Variants in DTNA observed in about 807,000 individuals in gnomAD.
DTNA encodes dystrophin-related protein 3.
Under a neutral mutation model 100.7 loss-of-function variants are expected in DTNA, and 43 were observed. The observed-to-expected ratio is 0.43, with a 90% CI of 0.33 to 0.55. DTNA has a LOEUF of 0.55. DTNA is among the 20% of genes least tolerant of loss of function. DTNA has a pLI of 0.04. For missense variants in DTNA, 798 were observed against 953.9 expected, an observed-to-expected ratio of 0.84 and a Z score of 2.15; for synonymous variants, 349 against 347.9, an observed-to-expected ratio of 1.00 and a Z score of -0.04.
chr18:34,624,406 A>G (rs1179721439), intron 1 of DTNA, among the ~76,000 whole-genome samples: 1 of 152,224 alleles, frequency 6.6e-6, no homozygotes, highest in Non-Finnish European at 1.5e-5. Flanking sequence ...TTTTTGATAT[A>G]GCAACTGCCC....
intron 2 of DTNA, chr18:34,759,949 G>A (rs546406120): frequency 3.3e-5 from 5 of 152,286 alleles, no homozygotes; most frequent in Admixed American, 3.3e-4. Flanking sequence ...CTCCCAAAGT[G>A]CTGGAATTAC....
In DTNA at chr18:34,848,326, A is replaced by G. The variant is rs775341396; in HGVS notation, c.1377A>G (p.Glu459=). 3.1e-6 allele frequency: 5 copies of G among 1,614,064 alleles called. No individual in the cohort carries two copies. In the Admixed American group the frequency reaches 6.7e-5, roughly 22 times the overall value. ...CMLESSNRLD[E]EHRLIARYAA... ...TTGAGAGTTCAAACCGGCTTGATGA[A>G]GAACACAGGCTAATTGCCAGGTATG... Residue 459 remains glutamate (E), a synonymous_variant, in exon 14 of 23, where the codon GAA becomes GAG. Coordinates refer to ENST00000444659, the MANE Select transcript of DTNA (RefSeq NM_001386795.1).
chr18:34,642,546 CTTCT>C (rs1047724015), intron 1 of DTNA, among the ~76,000 whole-genome samples: 12 of 148,086 alleles, frequency 8.1e-5, no homozygotes, highest in African/African-American at 1.7e-4. Context: ...TCCTTCCTTC[CTTCT>C]TTCTTTCTTT....
intron 1 of DTNA, among the ~76,000 whole-genome samples, chr18:34,647,561 A>G (rs558916397): frequency 2.6e-5 from 4 of 152,316 alleles, no homozygotes; most frequent in African/African-American, 7.2e-5. Flanking sequence ...GAAGAGGAGA[A>G]CAGTCAGTGG....
At chr18:34,694,428 T>C (rs763864911) in intron 1 of DTNA, among the ~76,000 whole-genome samples, 5 of 152,244 alleles carry the variant, frequency 3.3e-5, no homozygotes, top group African/African-American at 9.6e-5. Flanking sequence ...CTGATTTTTG[T>C]CACTTTCAAA....
chr18:34,786,602 G>A (rs1215948963), intron 3 of DTNA, among the ~76,000 whole-genome samples: 3 of 151,896 alleles, frequency 2.0e-5, no homozygotes, highest in African/African-American at 7.3e-5. Flanking sequence ...GGAGATTGAG[G>A]GAGCATGCGC....
chr18:34,589,480 G>T (rs1399551136), intron 1 of DTNA, among the ~76,000 whole-genome samples: 2 of 151,988 alleles, frequency 1.3e-5, no homozygotes, highest in African/African-American at 4.8e-5. Flanking sequence ...GTGGTGGTGG[G>T]CACCTGTAGT....
At chr18:34,867,398 A>T in intron 17 of DTNA, 1 of 1,228,522 alleles carries the variant, frequency 8.1e-7, no homozygotes, top group African/African-American at 1.6e-5. Flanking sequence ...AACAGAAGAC[A>T]GTCCCCCTGG....
At chr18:34,694,913 T>TTA (rs1389840785) in intron 1 of DTNA, among the ~76,000 whole-genome samples, 1 of 152,152 alleles carries the variant, frequency 6.6e-6, no homozygotes, top group African/African-American at 2.4e-5. Flanking sequence ...GGTTCTGGTT[T>TTA]TATACTGAAG....
intron 1 of DTNA, among the ~76,000 whole-genome samples, chr18:34,590,239 T>C (rs1268154280): frequency 6.6e-6 from 1 of 152,212 alleles, no homozygotes; most frequent in Non-Finnish European, 1.5e-5. Flanking sequence ...ATGCAGTTTA[T>C]GTAAAGTTTT....
intron 1 of DTNA, among the ~76,000 whole-genome samples, chr18:34,749,845 G>A (rs1001612648): frequency 8.6e-5 from 13 of 152,024 alleles, no homozygotes; most frequent in Non-Finnish European, 1.9e-4. Flanking sequence ...ATTTGCCTCA[G>A]GAAAGAGCTC....
intron 1 of DTNA, among the ~76,000 whole-genome samples, chr18:34,592,555 G>A (rs2049859026): frequency 6.6e-6 from 1 of 150,662 alleles, no homozygotes. Context: ...TCCTGAAAAA[G>A]AAGTTTCAGT....
chr18:34,788,553 C>A (rs1240122901), intron 3 of DTNA, among the ~76,000 whole-genome samples: 1 of 152,116 alleles, frequency 6.6e-6, no homozygotes, highest in East Asian at 1.9e-4. Flanking sequence ...AGCCACTGCC[C>A]CGGTTCCTGC....
chr18:34,610,020 C>CTA (rs71991189), intron 1 of DTNA, among the ~76,000 whole-genome samples: 82 of 150,424 alleles, frequency 5.5e-4, no homozygotes, highest in East Asian at 4.7e-3. Flanking sequence ...TTGCCGAGAT[C>CTA]TATATATATA....
chr18:34,621,631 T>C (rs1382223428), intron 1 of DTNA, among the ~76,000 whole-genome samples: 1 of 152,128 alleles, frequency 6.6e-6, no homozygotes, highest in Admixed American at 6.6e-5. Flanking sequence ...AAAGTTGAAT[T>C]CATAGAAATT....
intron 14 of DTNA, among the ~76,000 whole-genome samples, chr18:34,849,888 T>C (rs1282061142): frequency 6.6e-6 from 1 of 152,200 alleles, no homozygotes; most frequent in Non-Finnish European, 1.5e-5. Flanking sequence ...TCCCTGCCCC[T>C]TTCAGCATTT....
At chr18:34,761,661 C>T (rs2093178090) in intron 2 of DTNA, among the ~76,000 whole-genome samples, 1 of 152,178 alleles carries the variant, frequency 6.6e-6, no homozygotes, top group Non-Finnish European at 1.5e-5. Flanking sequence ...GACATGGGTA[C>T]AAGAGGCTTG....
chr18:34,642,188 C>T (rs541735204), intron 1 of DTNA, among the ~76,000 whole-genome samples: 1 of 152,254 alleles, frequency 6.6e-6, no homozygotes, highest in Admixed American at 6.5e-5. Context: ...ATTCTGGGAA[C>T]CCTCTAGGGC....
intron 1 of DTNA, among the ~76,000 whole-genome samples, chr18:34,648,273 A>G (rs1170381749): frequency 6.6e-6 from 1 of 152,174 alleles, no homozygotes; most frequent in Non-Finnish European, 1.5e-5. Flanking sequence ...TGGTCTTTCC[A>G]CAGTCACGAT....
Sources: allele counts gnomAD v4.1 joint callset (sites outside exome capture counted in the v4.1 genomes callset), GRCh38; gene constraint gnomAD v4.1.1; transcripts MANE v1.5; gene names NCBI Gene and HGNC (gene_info 2026-07-23, HGNC 2026-07-21).